THOC2: variants seen among roughly 807,000 people sequenced by gnomAD.
THOC2 encodes the protein THO complex 2.
THOC2 carries 10 observed loss-of-function variants against 128.4 expected under a neutral mutation model. The observed-to-expected ratio is 0.08, with a 90% CI of 0.05 to 0.13. THOC2 has a LOEUF of 0.13. Among genes scored for constraint, THOC2 ranks in the 10% least tolerant of loss-of-function variants. The pLI, the probability that THOC2 is intolerant of heterozygous loss-of-function variation, is 1.00. For missense variants in THOC2, 535 were observed against 1,155.7 expected, an observed-to-expected ratio of 0.46 and a Z score of 7.79; for synonymous variants, 393 against 396.9, an observed-to-expected ratio of 0.99 and a Z score of 0.12.
At chrX:123,654,174 A>G (rs1270816907) in intron 12 of THOC2, among the ~76,000 whole-genome samples, 2 of 110,165 alleles carry the variant, frequency 1.8e-5, no homozygotes, top group African/African-American at 3.3e-5. Context: ...CAAACACCGC[A>G]TGTTCTCATT....
intron 1 of THOC2, among the ~76,000 whole-genome samples, chrX:123,728,786 G>A (rs906603100): frequency 1.8e-5 from 2 of 112,132 alleles, no homozygotes; most frequent in Non-Finnish European, 3.8e-5. Context: ...CCATTAATAA[G>A]GTAAGACCTA....
chrX:123,689,850 A>C (rs750971974), intron 7 of THOC2, among the ~76,000 whole-genome samples: 1 of 111,945 alleles, frequency 8.9e-6, no homozygotes, highest in Non-Finnish European at 1.9e-5. Flanking sequence ...GTAGAACATA[A>C]GCAGTCTTGT....
intron 33 of THOC2, among the ~76,000 whole-genome samples, chrX:123,615,234 T>C (rs986995255): frequency 7.2e-5 from 8 of 111,414 alleles, no homozygotes; most frequent in Non-Finnish European, 1.3e-4. Context: ...TCAAATATTT[T>C]TACATGAAGA....
chrX:123,727,047 G>A (rs750077701), intron 1 of THOC2, among the ~76,000 whole-genome samples: 7 of 109,440 alleles, frequency 6.4e-5, no homozygotes, highest in African/African-American at 1.3e-4. Flanking sequence ...TCATACACCC[G>A]CACAAAAAAA....
intron 1 of THOC2, among the ~76,000 whole-genome samples, chrX:123,724,445 G>A (rs2051851417): frequency 8.9e-6 from 1 of 112,251 alleles, no homozygotes; most frequent in Non-Finnish European, 1.9e-5. Context: ...AGAACTCTGG[G>A]AGGCTAAGGT....
In THOC2 at chrX:123,671,750, G is replaced by T; in HGVS notation, c.780C>A (p.Gly260=). 3.4e-6 allele frequency: 4 copies of T among 1,162,983 alleles called. No homozygotes were observed. The highest frequency in any genetic ancestry group is 4.6e-6 in the Non-Finnish European group (4 of 866,309). The change falls in exon 9 of 39, where the codon GGC becomes GGA. Residue 260 remains glycine, a synonymous_variant. Transcript: ENST00000245838. ...CTCTGTATAAAGATGATGGTGTCTCGCCATTTGGTTCCTAGAAATATAAAA... is the reference window on the plus strand; with the variant it reads ...CTCTGTATAAAGATGATGGTGTCTCTCCATTTGGTTCCTAGAAATATAAAA... ...FKFKFYQEPN[G]ETPSSLYRVA... is the part of the protein sequence containing the mutation.
chrX:123,620,653 G>T, intron 32 of THOC2: 1 of 297,686 alleles, frequency 3.4e-6, no homozygotes, highest in Non-Finnish European at 5.8e-6. Context: ...GCACTTCTGG[G>T]TAAAATTTCT....
chrX:123,674,260 G>C (rs181904968), intron 8 of THOC2, among the ~76,000 whole-genome samples: 168 of 111,623 alleles, frequency 1.5e-3, no homozygotes, highest in African/African-American at 5.2e-3. Context: ...GTTTGGTACA[G>C]GTATGTTTAT....
chrX:123,659,118 C>G (rs902581392), intron 12 of THOC2, among the ~76,000 whole-genome samples: 3 of 112,292 alleles, frequency 2.7e-5, no homozygotes, highest in African/African-American at 9.7e-5. Context: ...AACCACTACA[C>G]TCCTCCACTG....
intron 12 of THOC2, among the ~76,000 whole-genome samples, chrX:123,659,519 C>T (rs923930626): frequency 9.0e-6 from 1 of 111,715 alleles, no homozygotes; most frequent in African/African-American, 3.2e-5. Flanking sequence ...TGCAGTGAGC[C>T]GAGGTTGCGC....
intron 9 of THOC2, among the ~76,000 whole-genome samples, chrX:123,668,995 G>T (rs1191615915): frequency 2.7e-5 from 3 of 111,519 alleles, no homozygotes; most frequent in Non-Finnish European, 3.8e-5. Context: ...GAAAACTTTA[G>T]GCAACAAATT....
intron 1 of THOC2, among the ~76,000 whole-genome samples, chrX:123,722,389 A>G (rs1044634239): frequency 8.9e-6 from 1 of 111,902 alleles, no homozygotes; most frequent in Non-Finnish European, 1.9e-5. Flanking sequence ...ATGCAACCAT[A>G]AAAAAGGATG....
chrX:123,720,115 C>T (rs2051622874), intron 1 of THOC2, among the ~76,000 whole-genome samples: 1 of 108,278 alleles, frequency 9.2e-6, no homozygotes, highest in Admixed American at 1.0e-4. Context: ...CCATGCACTC[C>T]AGCCTAGGCA....
chrX:123,621,077 C>G, intron 31 of THOC2, 80 bp downstream of exon 31: 1 of 1,175,497 alleles, frequency 8.5e-7, no homozygotes, highest in Non-Finnish European at 1.1e-6. Context: ...CCCTATATAA[C>G]TTACCAAAAC....
At chrX:123,688,468 C>G (rs1220466702) in intron 7 of THOC2, among the ~76,000 whole-genome samples, 1 of 111,671 alleles carries the variant, frequency 9.0e-6, no homozygotes, top group Non-Finnish European at 1.9e-5. Flanking sequence ...TGGCAGCTCA[C>G]ACCTGTAATC....
At chrX:123,660,398 G>A (rs1198668755) in intron 12 of THOC2, among the ~76,000 whole-genome samples, 1 of 111,958 alleles carries the variant, frequency 8.9e-6, no homozygotes, top group East Asian at 2.8e-4. Flanking sequence ...AGTTAAAAGA[G>A]CAGCATTAGG....
intron 24 of THOC2, 81 bp downstream of exon 24, chrX:123,626,440 C>T: frequency 2.1e-6 from 2 of 966,911 alleles, no homozygotes; most frequent in Non-Finnish European, 2.8e-6. Flanking sequence ...AAACATAATA[C>T]ACTTTAACAC....
At chrX:123,629,206 AACACACACACAC>A (rs754562050) in intron 22 of THOC2, among the ~76,000 whole-genome samples, 45 of 81,958 alleles carry the variant, frequency 5.5e-4, no homozygotes, top group Admixed American at 1.3e-3. Context: ...ATTATACATG[AACACACACACAC>A]ACACACACAC....
At chrX:123,686,774 C>T in intron 7 of THOC2, 60 bp from the exon 8 acceptor site, 5 of 917,539 alleles carry the variant, frequency 5.4e-6, no homozygotes, top group Admixed American at 6.5e-5. Flanking sequence ...CTAGTGAAGC[C>T]ATTAATTTTC....
Sources: allele counts gnomAD v4.1 joint callset (sites outside exome capture counted in the v4.1 genomes callset), GRCh38; gene constraint gnomAD v4.1.1; transcripts MANE v1.5; gene names NCBI Gene and HGNC (gene_info 2026-07-23, HGNC 2026-07-21).